The following CNTNAP2 variants were observed in gnomAD, a reference collection of about 807,000 sequenced individuals.
CNTNAP2 encodes the protein contactin-associated protein-like 2.
A neutral mutation model predicts 155.2 loss-of-function variants in CNTNAP2; 98 were observed. The observed-to-expected ratio is 0.63, with a 90% CI of 0.54 to 0.75. The LOEUF is 0.75. CNTNAP2 is among the 30% of genes least tolerant of loss of function. The pLI is 0.00. For missense variants in CNTNAP2, 1,727 were observed against 1,688.1 expected (o/e 1.02, Z -0.40); for synonymous variants, 651 against 631.2 (o/e 1.03, Z -0.47).
intron 13 of CNTNAP2, among the ~76,000 whole-genome samples, chr7:147,857,994 T>C (rs184970498): frequency 1.3e-5 from 2 of 152,346 alleles, no homozygotes; most frequent in Admixed American, 6.5e-5. Flanking sequence ...TTTTTAAAAC[T>C]ATCAGCTTTG....
chr7:147,064,973 G>A lies in CNTNAP2; in HGVS notation c.550+20919G>A, dbSNP rs988272807. ...GTCCAAATGAAAAATAAAATGCTGA[G>A]TATTTAAATGCCTCTGAAATTAAGT... On this transcript the variant is annotated intron_variant, in intron 4 of 23. Coordinates refer to ENST00000361727, the MANE Select transcript of CNTNAP2 (RefSeq NM_014141.6). Among the ~76,000 whole-genome samples, 6 of 152,176 alleles carry A rather than the reference G, an allele frequency of 3.9e-5. No homozygotes were observed. The East Asian group carries it at 1.2e-3, about 29-fold the overall frequency.
At chr7:148,095,349 T>C (rs189213219) in intron 15 of CNTNAP2, among the ~76,000 whole-genome samples, 3 of 152,362 alleles carry the variant, frequency 2.0e-5, no homozygotes, top group African/African-American at 7.2e-5. Context: ...CTGTGTTCTC[T>C]GCATGAGGTC....
chr7:146,491,916 C>T (rs921639209), intron 1 of CNTNAP2, among the ~76,000 whole-genome samples: 1 of 152,008 alleles, frequency 6.6e-6, no homozygotes, highest in Non-Finnish European at 1.5e-5. Context: ...AGTGATACCT[C>T]CCTGAAACTC....
intron 1 of CNTNAP2, among the ~76,000 whole-genome samples, chr7:146,193,800 C>T (rs1034038871): frequency 7.2e-5 from 11 of 152,184 alleles, no homozygotes; most frequent in African/African-American, 2.4e-4. Context: ...TTTCTATTGC[C>T]GTGTCAGGCT....
At chr7:146,999,301 T>A (rs1023022432) in intron 3 of CNTNAP2, among the ~76,000 whole-genome samples, 1 of 151,300 alleles carries the variant, frequency 6.6e-6, no homozygotes, top group Non-Finnish European at 1.5e-5. Context: ...ACTCGACTCC[T>A]CCCTAACAGT....
At chr7:147,310,014 A>T (rs1414561331) in intron 9 of CNTNAP2, among the ~76,000 whole-genome samples, 2 of 152,148 alleles carry the variant, frequency 1.3e-5, no homozygotes, top group Non-Finnish European at 2.9e-5. Context: ...AGCACAAAAA[A>T]AGGAATTACA....
chr7:147,012,424 G>A (rs1798644364), intron 3 of CNTNAP2, among the ~76,000 whole-genome samples: 1 of 152,068 alleles, frequency 6.6e-6, no homozygotes, highest in South Asian at 2.1e-4. Context: ...AATTTTTGCT[G>A]TAAGTTTAAA....
At chr7:147,668,810 T>C (rs1795741595) in intron 13 of CNTNAP2, among the ~76,000 whole-genome samples, 1 of 152,116 alleles carries the variant, frequency 6.6e-6, no homozygotes, top group African/African-American at 2.4e-5. Flanking sequence ...ATATATTTAG[T>C]GTGGCCTAAG....
At chr7:148,400,785 G>A (rs1157734373) in intron 22 of CNTNAP2, among the ~76,000 whole-genome samples, 1 of 152,112 alleles carries the variant, frequency 6.6e-6, no homozygotes, top group Non-Finnish European at 1.5e-5. Flanking sequence ...TTCGAGACCA[G>A]CCTAACCAAC....
chr7:148,113,165 G>T (rs533784022), intron 15 of CNTNAP2, among the ~76,000 whole-genome samples: 1 of 152,162 alleles, frequency 6.6e-6, no homozygotes, highest in Non-Finnish European at 1.5e-5. Flanking sequence ...AAGAAAAGAG[G>T]TTTAATTGGT....
intron 10 of CNTNAP2, among the ~76,000 whole-genome samples, chr7:147,451,021 G>A (rs1797823934): frequency 6.6e-6 from 1 of 152,188 alleles, no homozygotes; most frequent in Admixed American, 6.5e-5. Context: ...CAGAGCTCCT[G>A]CCTCTTTGCC....
chr7:147,564,035 T>C (rs1800118080), intron 12 of CNTNAP2, among the ~76,000 whole-genome samples: 1 of 152,084 alleles, frequency 6.6e-6, no homozygotes, highest in South Asian at 2.1e-4. Context: ...AGACCACATC[T>C]CTATTTAGAA....
intron 18 of CNTNAP2, among the ~76,000 whole-genome samples, chr7:148,214,149 T>A (rs185366302): frequency 8.1e-4 from 124 of 152,364 alleles, no homozygotes; most frequent in African/African-American, 2.9e-3. Flanking sequence ...TGTGTCTACC[T>A]GATCCTGCAC....
chr7:146,327,520 TA>T (rs1231459736), intron 1 of CNTNAP2, among the ~76,000 whole-genome samples: 1 of 152,200 alleles, frequency 6.6e-6, no homozygotes, highest in East Asian at 1.9e-4. Context: ...CAAATGAAAT[TA>T]AAATTTGAAA....
At chr7:147,550,778 ATAT>A (rs1799836441) in intron 11 of CNTNAP2, among the ~76,000 whole-genome samples, 1 of 152,180 alleles carries the variant, frequency 6.6e-6, no homozygotes. Context: ...ACCACAACAG[ATAT>A]TATATAGCAG....
chr7:148,096,279 A>ATGTGTGTGTG (rs3056207), intron 15 of CNTNAP2, among the ~76,000 whole-genome samples: 2 of 144,822 alleles, frequency 1.4e-5, no homozygotes, highest in South Asian at 4.4e-4. Flanking sequence ...GCATGCATGC[A>ATGTGTGTGTG]TGTGTGTGTG....
At chr7:148,023,196 G>A (rs772349755) in intron 15 of CNTNAP2, among the ~76,000 whole-genome samples, 9 of 152,138 alleles carry the variant, frequency 5.9e-5, no homozygotes, top group African/African-American at 2.2e-4. Flanking sequence ...AAAGCAAAAA[G>A]GGGAGACAAA....
At chr7:146,270,658 T>C (rs893068660) in intron 1 of CNTNAP2, among the ~76,000 whole-genome samples, 2 of 152,170 alleles carry the variant, frequency 1.3e-5, no homozygotes, top group African/African-American at 4.8e-5. Flanking sequence ...TTATCTGAAA[T>C]AGAATTCCAG....
At chr7:147,481,665 C>G (rs563271553) in intron 10 of CNTNAP2, among the ~76,000 whole-genome samples, 4 of 152,230 alleles carry the variant, frequency 2.6e-5, no homozygotes, top group African/African-American at 9.6e-5. Flanking sequence ...AGTATGAGTT[C>G]GATGGAGAAG....
Sources: gnomAD v4.1 joint callset for allele counts (sites outside exome capture counted in the v4.1 genomes callset) on GRCh38, gnomAD v4.1.1 for gene constraint, MANE v1.5 for transcripts, NCBI Gene and HGNC (gene_info 2026-07-23, HGNC 2026-07-21) for gene names.